TSPOAP1: variants seen among roughly 807,000 people sequenced by gnomAD.
TSPOAP1 encodes peripheral-type benzodiazepine receptor-associated protein 1.
In TSPOAP1, 87 loss-of-function variants were observed where a neutral mutation model predicts 197.0. That is an observed-to-expected ratio of 0.44 (90% CI 0.37 to 0.53). The LOEUF (loss-of-function observed/expected upper bound fraction) is 0.53, where lower values mean the gene tolerates loss of function less well. Ranked by LOEUF, TSPOAP1 falls within the 20% of genes least tolerant of loss-of-function variation. TSPOAP1 has a pLI of 0.00. For missense variants in TSPOAP1, 2,174 were observed against 2,411.3 expected (o/e 0.90, Z 2.06); for synonymous variants, 913 against 998.9 (o/e 0.91, Z 1.62).
rs191314598 is a variant in TSPOAP1, at chr17:58,309,372, G to A, written c.3900C>T (p.Pro1300=). Residue 1300 remains proline, a synonymous_variant, in exon 22 of 32, where the codon CCC becomes CCT. Transcript: ENST00000343736. This position sits in a 1 kb window ranked among gnomAD's most constrained non-coding sequence, Gnocchi z 5.0. ...CGCTGTCAGTCTCACAAAAGGGGTC[G>A]GGCTGGGACTGGTGGAGGTGGGGAG... ...SIRENGAKSQ[P]DPFCETDSDE... 110 of 1,608,198 alleles carry A rather than the reference G, an allele frequency of 6.8e-5. No homozygotes were observed. The highest frequency in any genetic ancestry group is 4.8e-4 in the African/African-American group (36 of 74,936).
At position 58,311,617 on chromosome 17, in the gene TSPOAP1, T is replaced by C; in HGVS notation, c.3035A>G (p.Asn1012Ser). The change falls in exon 18 of 32, where the codon AAC (asparagine) becomes AGC (serine). Residue 1012 changes from asparagine to serine, a missense_variant. Coordinates refer to ENST00000343736, the MANE Select transcript of TSPOAP1 (RefSeq NM_004758.4). ...GGCATAGCCTGTGACCCGGACACCG[T>C]TGGATGTGCCAGCAGCATCGATGGT... The part of the protein sequence containing the change: ...PVTIDAAGTS[N>S]GVRVTGYAIY... 2 of 1,609,916 alleles carry C rather than the reference T, an allele frequency of 1.2e-6. No individual in the cohort carries two copies. The highest frequency in any genetic ancestry group is 1.7e-6 in the Non-Finnish European group (2 of 1,177,316).
rs1971591593 is a variant in TSPOAP1, at chr17:58,326,118, T to C, written c.570+175A>G. 6.6e-6 allele frequency among the ~76,000 whole-genome samples: 1 copy of C among 152,126 alleles called. No individual in the cohort carries two copies. The highest frequency in any genetic ancestry group is 6.5e-5 in the Admixed American group (1 of 15,274). On this transcript the variant is annotated intron_variant, in intron 3 of 31. Transcript: ENST00000343736. This position sits in a 1 kb window ranked among gnomAD's most constrained non-coding sequence, Gnocchi z 4.7. ...TGCCCCCTGCAGCTCCAGAAACCTT[T>C]GGCCTCCTTGCCTGGCCAGCCTCTG...
At position 58,326,366 on chromosome 17, in the gene TSPOAP1, T is replaced by C. The variant is rs776910706; in HGVS notation, c.497A>G (p.Asn166Ser). 1 of 1,614,028 alleles carries C rather than the reference T, an allele frequency of 6.2e-7. No homozygotes were observed. Among genetic ancestry groups the C allele is most frequent in the Admixed American group, 1.7e-5 (1 of 60,014 alleles). Reference protein sequence around the residue: ...EEKVRRLKRKNAELAVIAKRL... With the variant: ...EEKVRRLKRKSAELAVIAKRL... ...CTTGGCAATGACCGCCAGCTCGGCG[T>C]TCTTCCTCTTCAGCCTCCGCACCTT... is the stretch of plus-strand genomic sequence containing the variant. Residue 166 changes from asparagine (N) to serine (S), a missense_variant, in exon 3 of 32, where the codon AAC becomes AGC. This residue lies in a region of TSPOAP1 where 1,933 missense variants were observed against 2,139.0 expected (regional missense o/e 0.90). Coordinates refer to ENST00000343736, the MANE Select transcript of TSPOAP1 (RefSeq NM_004758.4). This position sits in a 1 kb window ranked among gnomAD's most constrained non-coding sequence, Gnocchi z 4.7.
intron 16 of TSPOAP1, among the ~76,000 whole-genome samples, chr17:58,314,779 G>C (rs1046305198): frequency 1.3e-5 from 2 of 152,268 alleles, no homozygotes; most frequent in African/African-American, 4.8e-5. Flanking sequence ...TTCACACTAA[G>C]AGGATCTCCA....
intron 10 of TSPOAP1, among the ~76,000 whole-genome samples, chr17:58,320,987 C>T (rs1971389684): frequency 6.6e-6 from 1 of 152,136 alleles, no homozygotes; most frequent in African/African-American, 2.4e-5. Context: ...TGTCTACTCT[C>T]TTCCTAGGGC....
At position 58,327,581 on chromosome 17, in the gene TSPOAP1, C is replaced by G; in HGVS notation, c.333+7G>C. On this transcript the variant is annotated splice_region_variant and intron_variant, in intron 1 of 31. Transcript: ENST00000343736. ...TTGCAGACCCCAGCCCTCCACAGAT[C>G]CCTTACCTTCAGGAAAGCCTCCACT... The G allele has an allele frequency of 6.2e-7, 1 of 1,609,814 alleles. No individual in the cohort carries two copies. Among genetic ancestry groups the G allele is most frequent in the Non-Finnish European group, 8.5e-7 (1 of 1,177,532 alleles).
rs912616036 is a variant in TSPOAP1 at position 58,304,485 on chromosome 17, G to C, written c.5545-86C>G. On this transcript the variant is annotated intron_variant, in intron 30 of 31. Coordinates refer to ENST00000343736, the MANE Select transcript of TSPOAP1 (RefSeq NM_004758.4). The surrounding 1 kb of genome is among the most constrained non-coding windows in gnomAD (Gnocchi z 4.2). Reference sequence around the variant, plus strand: ...GGCCACCAGGTGGCCCTGCGCAGGGGTGGGCCCTACTCTCCAAGGCCTTTG... The same window carrying C: ...GGCCACCAGGTGGCCCTGCGCAGGGCTGGGCCCTACTCTCCAAGGCCTTTG... 4 of 1,110,778 alleles carry C rather than the reference G, an allele frequency of 3.6e-6. No individual in the cohort carries two copies. The highest frequency in any genetic ancestry group is 3.4e-5 in the Admixed American group (2 of 59,046). 68.8% of individuals were successfully genotyped at this position (1,110,778 alleles called of 1,614,324 possible).
At position 58,304,358 on chromosome 17, in the gene TSPOAP1, A is replaced by G. The variant is rs1386784709; in HGVS notation, c.*12T>C. The G allele has an allele frequency of 1.9e-6, 3 of 1,613,866 alleles. No individual in the cohort carries two copies. Among genetic ancestry groups the G allele is most frequent in the Middle Eastern group, 1.7e-4 (1 of 6,060 alleles). On this transcript the variant is annotated 3_prime_UTR_variant, in exon 31 of 32. Coordinates refer to ENST00000343736, the MANE Select transcript of TSPOAP1 (RefSeq NM_004758.4). The surrounding 1 kb of genome is among the most constrained non-coding windows in gnomAD (Gnocchi z 4.2). ...CTTACATGTTGCTCTCTCTACATATATCTATCTCCATCTAGCACTGGACTC... is the reference window on the plus strand; with the variant it reads ...CTTACATGTTGCTCTCTCTACATATGTCTATCTCCATCTAGCACTGGACTC...
chr17:58,321,049 A>G (rs1417543018), intron 10 of TSPOAP1, among the ~76,000 whole-genome samples: 1 of 152,016 alleles, frequency 6.6e-6, no homozygotes, highest in Non-Finnish European at 1.5e-5. Context: ...TATCTCCAAG[A>G]CCAACTTACC....
rs772806875 is a variant in TSPOAP1 at position 58,306,353 on chromosome 17, C to A, written c.5213G>T (p.Arg1738Leu). 1.3e-6 allele frequency: 2 copies of A among 1,554,032 alleles called. No individual in the cohort carries two copies. The highest frequency in any genetic ancestry group is 2.4e-5 in the South Asian group (2 of 84,194). Reference protein sequence around the residue: ...HTTGPPPKPRRSKKAESEGPA... With the variant: ...HTTGPPPKPRLSKKAESEGPA... ...GGGGTCTTACCCACCTTTCTTGGAG[C>A]GGCGGGGCTTGGGAGGAGGCCCAGT... Residue 1738 changes from arginine (R) to leucine (L), a missense_variant, in exon 26 of 32, where the codon CGC becomes CTC. Transcript: ENST00000343736.
chr17:58,310,870 C>T lies in TSPOAP1; in HGVS notation c.3425G>A (p.Gly1142Glu). 1 of 1,537,616 alleles carries T rather than the reference C, an allele frequency of 6.5e-7. No individual in the cohort carries two copies. The highest frequency in any genetic ancestry group is 8.7e-7 in the Non-Finnish European group (1 of 1,145,724). The change falls in exon 19 of 32, where the codon GGG becomes GAG. Residue 1142 changes from glycine to glutamate, a missense_variant. Physicochemically the swap from Gly to Glu is moderately conservative, Grantham distance 98. Around this residue, in one of 5 missense-constraint regions of TSPOAP1, gnomAD observed 1,933 missense variants for 2,139.0 expected, o/e 0.90. Coordinates refer to ENST00000343736, the MANE Select transcript of TSPOAP1 (RefSeq NM_004758.4). ...PASPSREMAK[G>E]SHEDPPAPCS... is the part of the protein sequence containing the mutation. ...AGGTGCTGGAGGGTCCTCGTGGGAC[C>T]CTTTTGCCATCTCTCTGGAAGGGCT...
rs368127261 is a variant in TSPOAP1, at chr17:58,308,933, G to A, written c.4339C>T (p.Arg1447Trp). Residue 1447 changes from arginine (R) to tryptophan (W), a missense_variant, in exon 22 of 32, where the codon CGG becomes TGG. Physicochemically the swap from Arg to Trp is moderately radical, Grantham distance 101 (BLOSUM62 -3). Coordinates refer to ENST00000343736, the MANE Select transcript of TSPOAP1 (RefSeq NM_004758.4). ...ATTACGGGGAGGCCACCCCTCTCCC[G>A]TGTGGGGCCCAGTCGTCCAGAGGCC... The part of the protein sequence containing the change: ...PQASGRLGPT[R>W]ERGGLPVIEG... 2.7e-5 allele frequency: 44 copies of A among 1,600,976 alleles called. No individual in the cohort carries two copies. In the East Asian group the frequency reaches 4.7e-4, roughly 17 times the overall value.
intron 15 of TSPOAP1, 118 bp downstream of exon 15, chr17:58,316,307 G>A (rs763421504): frequency 3.6e-6 from 4 of 1,102,110 alleles, no homozygotes; most frequent in Non-Finnish European, 5.4e-6. Context: ...TATTAGAATA[G>A]GTCCATTGTG....
rs1278833023 is a variant in TSPOAP1 at position 58,326,469 on chromosome 17, G to A, written c.442-48C>T. 6.2e-7 allele frequency: 1 copy of A among 1,604,786 alleles called. No individual in the cohort carries two copies. Among genetic ancestry groups the A allele is most frequent in the African/African-American group, 1.3e-5 (1 of 74,648 alleles). ...TGGGGCATGTAGGGAGCACCCCACA[G>A]ACCCAGTCCTAACAGCCCAAGTCTT... On this transcript the variant is annotated intron_variant, in intron 2 of 31. Transcript: ENST00000343736. The surrounding 1 kb of genome is among the most constrained non-coding windows in gnomAD (Gnocchi z 4.7).
At position 58,318,153 on chromosome 17, in the gene TSPOAP1, A is replaced by C. The variant is rs968554167; in HGVS notation, c.1872+127T>G. 3.3e-6 allele frequency: 4 copies of C among 1,197,276 alleles called. No homozygotes were observed. The African/African-American group carries it at 6.2e-5, about 19-fold the overall frequency. The allele number at this position is 1,197,276 out of a possible 1,614,324, so 74.2% of individuals were successfully genotyped here. ...CACAGGAGGAATCCACAGGCCTCCCACCTCCCAACTTGGGACCCCAGAAGT... is the reference window on the plus strand; with the variant it reads ...CACAGGAGGAATCCACAGGCCTCCCCCCTCCCAACTTGGGACCCCAGAAGT... On this transcript the variant is annotated intron_variant, in intron 14 of 31. Coordinates refer to ENST00000343736, the MANE Select transcript of TSPOAP1 (RefSeq NM_004758.4).
In TSPOAP1 at chr17:58,312,556, C is replaced by T. The variant is rs1311483077; in HGVS notation, c.2265G>A (p.Gly755=). 3 of 1,609,028 alleles carry T rather than the reference C, an allele frequency of 1.9e-6. No individual in the cohort carries two copies. In the Admixed American group the frequency reaches 5.0e-5, roughly 27 times the overall value. The change falls in exon 17 of 32, where the codon GGG becomes GGA. Residue 755 remains glycine (G), a synonymous_variant. Transcript: ENST00000343736. Reference sequence around the variant, plus strand: ...GGCTCCTTCCCACACTGCTTTGGCCCCCGCTACTGCTGCCACCCCCACCTA... The same window carrying T: ...GGCTCCTTCCCACACTGCTTTGGCCTCCGCTACTGCTGCCACCCCCACCTA... ...LSVGGGGSSS[G]GQSSVGRSQP...
At position 58,312,508 on chromosome 17, in the gene TSPOAP1, A is replaced by C. The variant is rs759846323; in HGVS notation, c.2313T>G (p.Asp771Glu). The C allele has an allele frequency of 3.5e-5, 56 of 1,600,980 alleles. No homozygotes were observed. Among genetic ancestry groups the C allele is most frequent in the Non-Finnish European group, 4.5e-5 (53 of 1,173,656 alleles). The change falls in exon 17 of 32, where the codon GAT (aspartate) becomes GAG (glutamate). Residue 771 changes from aspartate (D) to glutamate (E), a missense_variant. Physicochemically the swap from Asp to Glu is conservative, Grantham distance 45. Transcript: ENST00000343736. Reference protein sequence around the residue: ...GRSQPRPEEEDAGDELSLSPS... With the variant: ...GRSQPRPEEEEAGDELSLSPS... Reference sequence around the variant, plus strand: ...GGCTCAGACTGAGCTCGTCCCCTGCATCCTCCTCCTCAGGTCTGGGCTGGC... The same window carrying C: ...GGCTCAGACTGAGCTCGTCCCCTGCCTCCTCCTCCTCAGGTCTGGGCTGGC...
chr17:58,323,311 C>T lies in TSPOAP1; in HGVS notation c.1091G>A (p.Arg364Gln), dbSNP rs747291491. 32 of 1,614,044 alleles carry T rather than the reference C, an allele frequency of 2.0e-5. No homozygotes were observed. The highest frequency in any genetic ancestry group is 2.4e-5 in the Non-Finnish European group (28 of 1,180,032). Residue 364 changes from arginine to glutamine, a missense_variant, in exon 7 of 32, where the codon CGA becomes CAA. Coordinates refer to ENST00000343736, the MANE Select transcript of TSPOAP1 (RefSeq NM_004758.4). ...TCAAGAGCTCACCAGCTCCTCACAT[C>T]GCCTCTGCTTTTTCCGGGCTTCCTG... Reference protein sequence around the residue: ...LEQEARKKQRRCEELELQLRQ... With the variant: ...LEQEARKKQRQCEELELQLRQ...
chr17:58,315,983 G>T (rs1433139893), intron 16 of TSPOAP1, 40 bp downstream of exon 16: 1 of 1,461,744 alleles, frequency 6.8e-7, no homozygotes, highest in South Asian at 1.1e-5. Context: ...GGGCTCAAAG[G>T]CAGGGGAATG....
Sources: gnomAD v4.1 joint callset for allele counts (sites outside exome capture counted in the v4.1 genomes callset) on GRCh38, gnomAD v4.1.1 for gene constraint, gnomAD v4.1.1 regional missense constraint, Gnocchi (gnomAD v3.1) non-coding constraint, MANE v1.5 for transcripts, NCBI Gene and HGNC (gene_info 2026-07-23, HGNC 2026-07-21) for gene names.